Variants in ESYT2 observed in about 807,000 individuals in gnomAD.
The protein encoded by ESYT2 is extended synaptotagmin-2.
ESYT2 carries 54 observed loss-of-function variants against 107.2 expected under a neutral mutation model. The observed-to-expected ratio is 0.50, with a 90% confidence interval of 0.40 to 0.63. The LOEUF (loss-of-function observed/expected upper bound fraction) is 0.63, where lower values mean the gene tolerates loss of function less well. ESYT2 is among the 30% of genes least tolerant of loss of function. The pLI is 0.00. For synonymous variants in ESYT2, 491 were observed against 434.1 expected, an observed-to-expected ratio of 1.13 and a Z score of -1.63; for missense variants, 1,020 against 1,094.5, an observed-to-expected ratio of 0.93 and a Z score of 0.96.
chr7:158,814,287 TTATATATATATA>T lies in ESYT2; in HGVS notation c.330+14790_330+14801del, dbSNP rs58908927. On this transcript the variant is annotated intron_variant, in intron 1 of 22. Transcript: ENST00000275418. ...AGACTCCGTCTCAAAAAAAAAAAAA[TTATATATATATA>T]TATATATATATATATATATATATAT... is the stretch of plus-strand genomic sequence containing the variant. 2.5e-3 allele frequency among the ~76,000 whole-genome samples: 168 copies of T among 66,758 alleles called. 1 individual carries two copies. The highest frequency in any genetic ancestry group is 5.4e-3 in the South Asian group (10 of 1,842). 43.8% of individuals were successfully genotyped at this position (66,758 alleles called of 152,430 possible). A position where few individuals can be genotyped will look rare whatever the true frequency, so the allele number is the denominator to read the frequency against.
At chr7:158,746,319 G>A (rs986690726) in intron 16 of ESYT2, among the ~76,000 whole-genome samples, 3 of 151,858 alleles carry the variant, frequency 2.0e-5, no homozygotes, top group Admixed American at 1.3e-4. Flanking sequence ...CAGCCACTTG[G>A]GAGGCTGAGG....
At chr7:158,822,567 A>C (rs2129474323) in intron 1 of ESYT2, among the ~76,000 whole-genome samples, 1 of 152,282 alleles carries the variant, frequency 6.6e-6, no homozygotes, top group South Asian at 2.1e-4. Flanking sequence ...GTTTGAGACC[A>C]GCCTGGGCAA....
chr7:158,802,368 C>T (rs1038047427), intron 1 of ESYT2, among the ~76,000 whole-genome samples: 1 of 152,010 alleles, frequency 6.6e-6, no homozygotes, highest in African/African-American at 2.4e-5. Flanking sequence ...CTCACTACAA[C>T]CTCCTCCTCC....
intron 1 of ESYT2, among the ~76,000 whole-genome samples, chr7:158,825,027 T>G (rs2129474415): frequency 1.3e-5 from 2 of 152,312 alleles, no homozygotes; most frequent in Middle Eastern, 6.8e-3. Context: ...GCGCGGTGGT[T>G]CATGCCTGTA....
At chr7:158,777,538 ACTCT>A (rs768982678) in intron 6 of ESYT2, among the ~76,000 whole-genome samples, 156 of 151,764 alleles carry the variant, frequency 1.0e-3, no homozygotes, top group Admixed American at 2.0e-3. Flanking sequence ...TCTCCTGGAC[ACTCT>A]CTCTCCTGCC....
At chr7:158,803,148 G>T (rs1839693374) in intron 1 of ESYT2, among the ~76,000 whole-genome samples, 1 of 152,264 alleles carries the variant, frequency 6.6e-6, no homozygotes, top group Admixed American at 6.5e-5. Context: ...CAGCATAGGT[G>T]GGGGCCAACG....
intron 4 of ESYT2, 87 bp downstream of exon 4, chr7:158,793,563 G>A (rs1441883581): frequency 2.1e-6 from 2 of 932,420 alleles, no homozygotes; most frequent in Non-Finnish European, 3.4e-6. Flanking sequence ...TAAGACGTGT[G>A]CTCACTGTAT....
intron 6 of ESYT2, among the ~76,000 whole-genome samples, chr7:158,778,978 A>C (rs1183357280): frequency 2.6e-5 from 4 of 152,080 alleles, no homozygotes; most frequent in African/African-American, 4.8e-5. Flanking sequence ...TTACATGAAG[A>C]CTTTAAAGGC....
chr7:158,743,619 C>T lies in ESYT2; in HGVS notation c.1704G>A (p.Leu568=), dbSNP rs779748075. 1 of 1,613,666 alleles carries T rather than the reference C, an allele frequency of 6.2e-7. No individual in the cohort carries two copies. Among genetic ancestry groups the T allele is most frequent in the South Asian group, 1.1e-5 (1 of 91,028 alleles). The change falls in exon 17 of 23, where the codon CTG becomes CTA. Residue 568 remains leucine, a synonymous_variant. Coordinates refer to ENST00000275418, the MANE Select transcript of ESYT2 (RefSeq NM_001367773.1). ...TCACAGTCATGTCCTCACTGGTGAGCAGCTGGCTGAGGGGGACCTTCAGGT... is the reference window on the plus strand; with the variant it reads ...TCACAGTCATGTCCTCACTGGTGAGTAGCTGGCTGAGGGGGACCTTCAGGT... ...LGNLKVPLSQ[L]LTSEDMTVSQ... is the part of the protein sequence containing the mutation.
chr7:158,734,388 A>G, intron 22 of ESYT2, 34 bp downstream of exon 22: 2 of 1,613,206 alleles, frequency 1.2e-6, no homozygotes, highest in Non-Finnish European at 1.7e-6. Flanking sequence ...TTAGCTACAC[A>G]CTGGGGTTCT....
intron 1 of ESYT2, among the ~76,000 whole-genome samples, chr7:158,805,672 T>C (rs896405416): frequency 6.6e-6 from 1 of 152,238 alleles, no homozygotes; most frequent in African/African-American, 2.4e-5. Context: ...ACCCTAATGC[T>C]TTGGTGCAAT....
At chr7:158,792,133 T>C (rs1279721056) in intron 4 of ESYT2, among the ~76,000 whole-genome samples, 2 of 151,818 alleles carry the variant, frequency 1.3e-5, no homozygotes, top group Non-Finnish European at 2.9e-5. Context: ...GCTACTTTCC[T>C]GAATTTATTT....
intron 4 of ESYT2, among the ~76,000 whole-genome samples, chr7:158,790,836 G>A (rs1054293886): frequency 6.6e-6 from 1 of 152,160 alleles, no homozygotes; most frequent in African/African-American, 2.4e-5. Flanking sequence ...GCTGAGGCAG[G>A]AGAATTGCTT....
In ESYT2 at chr7:158,820,623, A is replaced by G. The variant is rs539677443; in HGVS notation, c.330+8466T>C. ...CTGGGTAAGAAACCTCCCTTCTACA[A>G]AAAATTTTAAAAATTAGTGAGACGT... On this transcript the variant is annotated intron_variant, in intron 1 of 22. Transcript: ENST00000275418. Among the ~76,000 whole-genome samples, 9 of 152,246 alleles carry G rather than the reference A, an allele frequency of 5.9e-5. No individual in the cohort carries two copies. In the South Asian group the frequency reaches 1.9e-3, roughly 32 times the overall value.
chr7:158,788,021 A>G lies in ESYT2; in HGVS notation c.730T>C (p.Phe244Leu). ...DMPLVGALSI[F>L]FLRKPLLEIN... is the part of the protein sequence containing the mutation. ...TGACTTACTGGTTTCCTAAGGAAGA[A>G]GATAGACAAAGCTCCAACTAAGGGC... is the stretch of plus-strand genomic sequence containing the variant. The change falls in exon 6 of 23, where the codon TTC (phenylalanine) becomes CTC (leucine). Residue 244 changes from phenylalanine (F) to leucine (L), a missense_variant. Phe to Leu is a conservative substitution (Grantham distance 22, BLOSUM62 0). Coordinates refer to ENST00000275418, the MANE Select transcript of ESYT2 (RefSeq NM_001367773.1). 6.2e-7 allele frequency: 1 copy of G among 1,613,726 alleles called. No individual in the cohort carries two copies. Among genetic ancestry groups the G allele is most frequent in the Non-Finnish European group, 8.5e-7 (1 of 1,179,596 alleles).
chr7:158,808,414 T>C (rs1054845546), intron 1 of ESYT2, among the ~76,000 whole-genome samples: 3 of 152,226 alleles, frequency 2.0e-5, no homozygotes, highest in African/African-American at 7.2e-5. Flanking sequence ...TCAAGTCACC[T>C]TTATTTTACT....
chr7:158,741,491 T>TGG, intron 18 of ESYT2, 32 bp downstream of exon 18: 2 of 1,531,226 alleles, frequency 1.3e-6, no homozygotes, highest in Non-Finnish European at 1.7e-6. Context: ...CTTGCTCTGC[T>TGG]GGTGAGAAAC....
intron 1 of ESYT2, among the ~76,000 whole-genome samples, chr7:158,826,714 G>C (rs966412083): frequency 2.0e-5 from 3 of 150,824 alleles, no homozygotes; most frequent in East Asian, 1.9e-4. Flanking sequence ...CCAGCTATTC[G>C]GGAGGCTGAG....
At chr7:158,800,881 G>A (rs1468548396) in intron 1 of ESYT2, among the ~76,000 whole-genome samples, 2 of 151,744 alleles carry the variant, frequency 1.3e-5, no homozygotes, top group African/African-American at 4.8e-5. Flanking sequence ...GGCGGGTACC[G>A]CCACACCCTG....
Sources: allele counts gnomAD v4.1 joint callset (sites outside exome capture counted in the v4.1 genomes callset), GRCh38; gene constraint gnomAD v4.1.1; transcripts MANE v1.5; gene names NCBI Gene and HGNC (gene_info 2026-07-23, HGNC 2026-07-21).